Variants in IYD observed in about 807,000 individuals in gnomAD.
The protein encoded by IYD is iodotyrosine deiodinase 1.
Under a neutral mutation model 28.4 loss-of-function variants are expected in IYD, and 25 were observed. That is an observed-to-expected ratio of 0.88 (90% CI 0.64 to 1.23). The LOEUF (loss-of-function observed/expected upper bound fraction) is 1.23, where lower values mean the gene tolerates loss of function less well. Among genes scored for constraint, IYD ranks in the 50% most tolerant of loss-of-function variants. The pLI is 0.00. For missense variants in IYD, 352 were observed against 357.9 expected (o/e 0.98, Z 0.13); for synonymous variants, 140 against 130.8 (o/e 1.07, Z -0.48).
At chr6:150,385,386 G>C (rs575146251) in intron 1 of IYD, among the ~76,000 whole-genome samples, 1 of 152,014 alleles carries the variant, frequency 6.6e-6, no homozygotes, top group Non-Finnish European at 1.5e-5. Flanking sequence ...GATTAAGAAA[G>C]TTCCTTTCTC....
chr6:150,398,169 C>T lies in IYD; in HGVS notation c.802C>T (p.Pro268Ser). ...GCTGATGCTGCTCCCCGTGGGGTAC[C>T]CCAGCAAGGAGGCCACGGTGCCTGA... is the stretch of plus-strand genomic sequence containing the variant. ...KLLMLLPVGY[P>S]SKEATVPDLK... The change falls in exon 5 of 5, where the codon CCC becomes TCC. Residue 268 changes from proline (P) to serine (S), a missense_variant. Transcript: ENST00000344419. The T allele has an allele frequency of 6.2e-7, 1 of 1,614,180 alleles. No individual in the cohort carries two copies. The highest frequency in any genetic ancestry group is 8.5e-7 in the Non-Finnish European group (1 of 1,180,026).
chr6:150,375,448 G>T (rs902554050), intron 1 of IYD, among the ~76,000 whole-genome samples: 14 of 152,178 alleles, frequency 9.2e-5, no homozygotes, highest in African/African-American at 3.4e-4. Flanking sequence ...AACATTTTAA[G>T]TAGTTTTTAA....
At chr6:150,388,961 C>G (rs1286079491) in intron 1 of IYD, among the ~76,000 whole-genome samples, 1 of 152,120 alleles carries the variant, frequency 6.6e-6, no homozygotes, top group Non-Finnish European at 1.5e-5. Context: ...CTTGGCCTCC[C>G]AAAATGCTGG....
chr6:150,378,155 C>T (rs1777515884), intron 1 of IYD, among the ~76,000 whole-genome samples: 1 of 152,100 alleles, frequency 6.6e-6, no homozygotes, highest in Non-Finnish European at 1.5e-5. Context: ...CCTTCTTCCA[C>T]TCTTCCTTTC....
At chr6:150,388,413 T>C (rs1777959185) in intron 1 of IYD, among the ~76,000 whole-genome samples, 1 of 152,232 alleles carries the variant, frequency 6.6e-6, no homozygotes, top group African/African-American at 2.4e-5. Flanking sequence ...TGTGAGTTCA[T>C]ATTTTCTCTT....
intron 1 of IYD, among the ~76,000 whole-genome samples, chr6:150,381,135 T>C (rs1221213652): frequency 2.0e-5 from 3 of 152,252 alleles, no homozygotes; most frequent in Non-Finnish European, 4.4e-5. Flanking sequence ...GTTTACACTT[T>C]TAAGTTCTTA....
chr6:150,379,939 C>T (rs977606668), intron 1 of IYD, among the ~76,000 whole-genome samples: 8 of 152,202 alleles, frequency 5.3e-5, no homozygotes, highest in East Asian at 3.8e-4. Context: ...CTTGCTATTG[C>T]CCCATGCTAT....
intron 1 of IYD, among the ~76,000 whole-genome samples, chr6:150,371,638 G>T (rs534847187): frequency 2.6e-5 from 4 of 152,136 alleles, no homozygotes; most frequent in Non-Finnish European, 5.9e-5. Context: ...AAAATGCTTT[G>T]CCTCTTCATT....
At chr6:150,378,107 C>T (rs1777514523) in intron 1 of IYD, among the ~76,000 whole-genome samples, 1 of 152,144 alleles carries the variant, frequency 6.6e-6, no homozygotes, top group Non-Finnish European at 1.5e-5. Flanking sequence ...CTGAATTCCA[C>T]CTGGAGAATG....
intron 1 of IYD, chr6:150,370,036 G>A (rs1562307190): frequency 1.4e-6 from 1 of 702,242 alleles, no homozygotes; most frequent in Non-Finnish European, 2.6e-6. Flanking sequence ...GAGCGTGGAG[G>A]AAGCTTGAGC....
At chr6:150,388,622 G>A (rs1777966386) in intron 1 of IYD, among the ~76,000 whole-genome samples, 1 of 122,502 alleles carries the variant, frequency 8.2e-6, no homozygotes, top group African/African-American at 3.1e-5. Context: ...TTATAGTCTG[G>A]AGTTTTTGCT....
At chr6:150,379,700 T>G (rs1200271694) in intron 1 of IYD, among the ~76,000 whole-genome samples, 3 of 152,064 alleles carry the variant, frequency 2.0e-5, no homozygotes, top group Non-Finnish European at 4.4e-5. Context: ...AGGAAGAGAG[T>G]GAAAATTAAA....
At chr6:150,381,030 C>T (rs1245597946) in intron 1 of IYD, among the ~76,000 whole-genome samples, 1 of 152,208 alleles carries the variant, frequency 6.6e-6, no homozygotes, top group East Asian at 1.9e-4. Flanking sequence ...CTTCTTCCCT[C>T]ATCAGCCTGG....
At position 150,401,037 on chromosome 6, in the gene IYD, T is replaced by TTC. The variant is rs1390703600; in HGVS notation, c.*2800_*2801insTC. On this transcript the variant is annotated 3_prime_UTR_variant, in exon 5 of 5. Coordinates refer to ENST00000344419, the MANE Select transcript of IYD (RefSeq NM_203395.3). ...CTTACTCCAGGAAAAAAGGTGTGTGTATAGGTGTGTGTTTGGAGAGTGTGA... is the reference window on the plus strand; with the variant it reads ...CTTACTCCAGGAAAAAAGGTGTGTGTTCATAGGTGTGTGTTTGGAGAGTGTGA... 5 of 152,172 alleles carry TTC rather than the reference T, an allele frequency of 3.3e-5. No homozygotes were observed. In the East Asian group the frequency reaches 9.6e-4, roughly 29 times the overall value. 9.4% of individuals were successfully genotyped at this position (152,172 alleles called of 1,614,324 possible). A position where few individuals can be genotyped will look rare whatever the true frequency, so the allele number is the denominator to read the frequency against.
intron 1 of IYD, among the ~76,000 whole-genome samples, chr6:150,379,029 C>T (rs1322927287): frequency 6.6e-6 from 1 of 152,206 alleles, no homozygotes; most frequent in Non-Finnish European, 1.5e-5. Flanking sequence ...TTGTACTTGA[C>T]ACCTGCACTT....
intron 1 of IYD, among the ~76,000 whole-genome samples, chr6:150,372,995 T>A (rs1480069864): frequency 1.3e-5 from 2 of 152,168 alleles, no homozygotes; most frequent in Non-Finnish European, 1.5e-5. Flanking sequence ...TAGGCTCAGA[T>A]TCATAGAAGT....
chr6:150,403,004 T>G lies in IYD; in HGVS notation c.*4767T>G, dbSNP rs951818607. 1 of 152,224 alleles carries G rather than the reference T, an allele frequency of 6.6e-6. No individual in the cohort carries two copies. The highest frequency in any genetic ancestry group is 2.4e-5 in the African/African-American group (1 of 41,456). 9.4% of individuals were successfully genotyped at this position (152,224 alleles called of 1,614,324 possible). On this transcript the variant is annotated 3_prime_UTR_variant, in exon 5 of 5. Coordinates refer to ENST00000344419, the MANE Select transcript of IYD (RefSeq NM_203395.3). ...ATGCAGTGGTGTGATTATAGCTCACTGCAGCCTCCAACTTCTGGACTCAAG... is the reference window on the plus strand; with the variant it reads ...ATGCAGTGGTGTGATTATAGCTCACGGCAGCCTCCAACTTCTGGACTCAAG...
At position 150,403,735 on chromosome 6, in the gene IYD, G is replaced by A. The variant is rs1456084660; in HGVS notation, c.*5498G>A. The A allele has an allele frequency of 6.6e-6, 1 of 152,268 alleles. No individual in the cohort carries two copies. Among genetic ancestry groups the A allele is most frequent in the Non-Finnish European group, 1.5e-5 (1 of 68,048 alleles). The allele number at this position is 152,268 out of a possible 1,614,324, so 9.4% of individuals were successfully genotyped here. A position where few individuals can be genotyped will look rare whatever the true frequency, so the allele number is the denominator to read the frequency against. ...AAATTCCTAAAAAGTCATGAGGCAG[G>A]GGATTGGTTTATGTTATTATCATGA... On this transcript the variant is annotated 3_prime_UTR_variant, in exon 5 of 5. Transcript: ENST00000344419.
intron 2 of IYD, among the ~76,000 whole-genome samples, chr6:150,391,811 CG>C (rs1778129485): frequency 6.6e-6 from 1 of 152,102 alleles, no homozygotes; most frequent in Non-Finnish European, 1.5e-5. Flanking sequence ...AGGGTTCAAA[CG>C]ATTCTCCTGT....
Sources: allele counts gnomAD v4.1 joint callset (sites outside exome capture counted in the v4.1 genomes callset), GRCh38; gene constraint gnomAD v4.1.1; transcripts MANE v1.5; gene names NCBI Gene and HGNC (gene_info 2026-07-23, HGNC 2026-07-21).